Variants in MARCHF6 observed in about 807,000 individuals in gnomAD.
The protein encoded by MARCHF6 is E3 ubiquitin-protein ligase MARCHF6.
A neutral mutation model predicts 133.7 loss-of-function variants in MARCHF6; 31 were observed. The observed-to-expected ratio is 0.23, with a 90% CI of 0.17 to 0.31. The LOEUF (loss-of-function observed/expected upper bound fraction) is 0.31, where lower values mean the gene tolerates loss of function less well. MARCHF6 is among the 10% of genes least tolerant of loss of function. MARCHF6 has a pLI of 1.00. For synonymous variants in MARCHF6, 395 were observed against 402.5 expected (o/e 0.98, Z 0.22); for missense variants, 723 against 1,121.6 (o/e 0.64, Z 5.08).
At chr5:10,382,186 A>G (rs1737187837) in intron 4 of MARCHF6, among the ~76,000 whole-genome samples, 1 of 152,248 alleles carries the variant, frequency 6.6e-6, no homozygotes, top group African/African-American at 2.4e-5. Context: ...ATGAAAGTTC[A>G]TGAAAGCGTT....
Position 10,417,344 on chromosome 5 carries a change from G to A in MARCHF6, c.2223G>A (p.Leu741=). The stretch of plus-strand genomic sequence containing the variant: ...TCCTTCTGGGGCTCCTGTTTGAGCT[G>A]GTCATTGTGGCTCCCCTGAGGGTTC... ...VPLLLGLLFE[L]VIVAPLRVPL... The change falls in exon 22 of 26, where the codon CTG becomes CTA. Residue 741 remains leucine, a synonymous_variant. Transcript: ENST00000274140. 6.2e-7 allele frequency: 1 copy of A among 1,614,100 alleles called. No individual in the cohort carries two copies. The highest frequency in any genetic ancestry group is 1.7e-5 in the Admixed American group (1 of 60,002).
chr5:10,407,694 C>CTT (rs1169453625), intron 17 of MARCHF6, among the ~76,000 whole-genome samples: 62 of 152,300 alleles, frequency 4.1e-4, no homozygotes, highest in Middle Eastern at 3.4e-3. Context: ...TGGCTCACGC[C>CTT]TGTAATCCCA....
chr5:10,430,622 C>T (rs1024335085), intron 25 of MARCHF6, among the ~76,000 whole-genome samples: 6 of 152,090 alleles, frequency 3.9e-5, no homozygotes, highest in African/African-American at 1.4e-4. Flanking sequence ...TTTTAATGTC[C>T]ATTCCAAATA....
rs748387311 is a variant in MARCHF6, at chr5:10,407,129, A to G, written c.1480A>G (p.Met494Val). 1.2e-6 allele frequency: 2 copies of G among 1,613,000 alleles called. No individual in the cohort carries two copies. Among genetic ancestry groups the G allele is most frequent in the East Asian group, 2.2e-5 (1 of 44,838 alleles). The change falls in exon 17 of 26, where the codon ATG becomes GTG. Residue 494 changes from methionine (M) to valine (V), a missense_variant. Physicochemically the swap from Met to Val is conservative, Grantham distance 21. Coordinates refer to ENST00000274140, the MANE Select transcript of MARCHF6 (RefSeq NM_005885.4). ...VIVFGSIVLL[M>V]LWLPIRIIKS... ...TGTCTTTGGCTCCATTGTCCTCCTG[A>G]TGCTTTGGCTTCCTATACGTATAAT...
intron 1 of MARCHF6, among the ~76,000 whole-genome samples, chr5:10,368,966 A>C (rs966884413): frequency 6.6e-6 from 1 of 152,114 alleles, no homozygotes; most frequent in Non-Finnish European, 1.5e-5. Flanking sequence ...CTTTAAAAAA[A>C]AAAAAAAAAT....
intron 3 of MARCHF6, 29 bp downstream of exon 3, chr5:10,378,861 T>A: frequency 6.7e-7 from 1 of 1,501,338 alleles, no homozygotes; most frequent in Non-Finnish European, 9.2e-7. Flanking sequence ...TTCACTGCAT[T>A]TTTTTTGGTT....
chr5:10,394,193 T>G, intron 8 of MARCHF6, 50 bp downstream of exon 8: 1 of 1,242,998 alleles, frequency 8.0e-7, no homozygotes, highest in Non-Finnish European at 1.1e-6. Context: ...CTAAAATATA[T>G]TTTAAACTTT....
At position 10,381,798 on chromosome 5, in the gene MARCHF6, A is replaced by T; in HGVS notation, c.191-2A>T. 1 of 1,585,688 alleles carries T rather than the reference A, an allele frequency of 6.3e-7. No homozygotes were observed. The highest frequency in any genetic ancestry group is 1.4e-5 in the African/African-American group (1 of 73,204). On this transcript the variant is annotated splice_acceptor_variant, in intron 3 of 25. Transcript: ENST00000274140. LOFTEE classifies it high-confidence loss of function. The stretch of plus-strand genomic sequence containing the variant: ...CTGTAAGTACTTTTTTTCCGCTTAT[A>T]GTTTATTCTCCAGATATGCCTTCAC...
chr5:10,431,959 G>A (rs1208382358), intron 25 of MARCHF6, among the ~76,000 whole-genome samples: 1 of 152,120 alleles, frequency 6.6e-6, no homozygotes, highest in Non-Finnish European at 1.5e-5. Context: ...TAAAATCAGT[G>A]GTTGGTTGGG....
chr5:10,409,131 A>G (rs13174542), intron 17 of MARCHF6, among the ~76,000 whole-genome samples: 5,846 of 152,194 alleles, frequency 0.038, 182 homozygotes, highest in Non-Finnish European at 0.062. Flanking sequence ...TCTTATTTGG[A>G]TCTTAATGCT....
At position 10,411,641 on chromosome 5, in the gene MARCHF6, A is replaced by G; in HGVS notation, c.1896+104A>G. ...GCTATTAGTATGCAGTCCTCTGTGT[A>G]GACATGTTCCACATTTTATTACCCT... On this transcript the variant is annotated intron_variant, in intron 19 of 25. Transcript: ENST00000274140. The G allele has an allele frequency of 7.5e-6, 6 of 796,456 alleles. No individual in the cohort carries two copies. In the South Asian group the frequency reaches 1.4e-4, roughly 19 times the overall value. 49.3% of individuals were successfully genotyped at this position (796,456 alleles called of 1,614,324 possible). A position where few individuals can be genotyped will look rare whatever the true frequency, so the allele number is the denominator to read the frequency against.
chr5:10,374,054 G>A (rs763749168), intron 1 of MARCHF6, among the ~76,000 whole-genome samples: 4 of 150,168 alleles, frequency 2.7e-5, no homozygotes, highest in African/African-American at 4.9e-5. Flanking sequence ...CTGTGACCAA[G>A]AATCTTAATA....
At chr5:10,401,993 A>G (rs771998563) in intron 11 of MARCHF6, 66 bp from the exon 12 acceptor site, 2 of 900,050 alleles carry the variant, frequency 2.2e-6, no homozygotes, top group Non-Finnish European at 1.9e-6. Flanking sequence ...ATTGTTTAAT[A>G]TGGGAAAACC....
intron 7 of MARCHF6, among the ~76,000 whole-genome samples, 192 bp downstream of exon 7, chr5:10,391,923 G>A (rs1312654979): frequency 1.3e-5 from 2 of 149,658 alleles, no homozygotes; most frequent in African/African-American, 5.0e-5. Context: ...TATGAAACAG[G>A]GCATGTTTTG....
intron 2 of MARCHF6, 32 bp downstream of exon 2, chr5:10,377,926 C>G (rs1240169779): frequency 7.4e-7 from 1 of 1,353,380 alleles, no homozygotes; most frequent in East Asian, 2.3e-5. Flanking sequence ...TTATGTAAGT[C>G]TGAGCTTCAG....
intron 16 of MARCHF6, among the ~76,000 whole-genome samples, chr5:10,405,945 T>C (rs1482615451): frequency 6.6e-6 from 1 of 152,078 alleles, no homozygotes; most frequent in Non-Finnish European, 1.5e-5. Context: ...ATGTTTTGGC[T>C]GGGTACTGGT....
At chr5:10,408,762 T>C (rs987591880) in intron 17 of MARCHF6, among the ~76,000 whole-genome samples, 7 of 152,256 alleles carry the variant, frequency 4.6e-5, no homozygotes, top group African/African-American at 1.7e-4. Flanking sequence ...TGGTCTTGAA[T>C]TCCTGAGCTT....
At chr5:10,430,063 T>C (rs1561154373) in intron 25 of MARCHF6, 35 bp downstream of exon 25, 1 of 1,582,914 alleles carries the variant, frequency 6.3e-7, no homozygotes, top group Admixed American at 1.7e-5. Context: ...CTTGTTTAAG[T>C]GTTTTCACTT....
At chr5:10,384,021 A>C (rs751180265) in intron 4 of MARCHF6, among the ~76,000 whole-genome samples, 1 of 152,218 alleles carries the variant, frequency 6.6e-6, no homozygotes, top group African/African-American at 2.4e-5. Context: ...TTACATTATT[A>C]ATGACAAAAG....
Sources: gnomAD v4.1 joint callset for allele counts (sites outside exome capture counted in the v4.1 genomes callset) on GRCh38, gnomAD v4.1.1 for gene constraint, MANE v1.5 for transcripts, NCBI Gene and HGNC (gene_info 2026-07-23, HGNC 2026-07-21) for gene names.